GALNT18: variants seen among roughly 807,000 people sequenced by gnomAD.
The protein encoded by GALNT18 is polypeptide N-acetylgalactosaminyltransferase 18, also known as GalNAc-transferase 18.
GALNT18 carries 44 observed loss-of-function variants against 69.5 expected under a neutral mutation model. That is an observed-to-expected ratio of 0.63 (90% confidence interval 0.50 to 0.81). The LOEUF is 0.81. Ranked by LOEUF, GALNT18 falls within the 40% of genes least tolerant of loss-of-function variation. The pLI is 0.00. For missense variants in GALNT18, 715 were observed against 810.0 expected (o/e 0.88, Z 1.42); for synonymous variants, 364 against 318.2 (o/e 1.14, Z -1.53).
chr11:11,349,836 C>G (rs1313015606), intron 6 of GALNT18, among the ~76,000 whole-genome samples: 5 of 152,206 alleles, frequency 3.3e-5, no homozygotes, highest in African/African-American at 1.2e-4. Context: ...TTCCTTTCAT[C>G]AGAGCCTGCA....
intron 3 of GALNT18, among the ~76,000 whole-genome samples, chr11:11,393,189 C>G (rs909749644): frequency 6.6e-6 from 1 of 152,142 alleles, no homozygotes; most frequent in Non-Finnish European, 1.5e-5. Flanking sequence ...CCAGCACTGC[C>G]CCCCAGGACA....
At chr11:11,547,120 T>G (rs1858072144) in intron 1 of GALNT18, among the ~76,000 whole-genome samples, 1 of 152,126 alleles carries the variant, frequency 6.6e-6, no homozygotes, top group Admixed American at 6.5e-5. Flanking sequence ...ACAGAAAGTA[T>G]TTAGCCTTGT....
intron 1 of GALNT18, among the ~76,000 whole-genome samples, chr11:11,517,871 C>T (rs900647302): frequency 6.6e-6 from 1 of 152,194 alleles, no homozygotes; most frequent in African/African-American, 2.4e-5. Flanking sequence ...CCTCCAAAAT[C>T]ATGTCCCTGA....
At chr11:11,426,789 G>A (rs1855143480) in intron 3 of GALNT18, among the ~76,000 whole-genome samples, 1 of 152,128 alleles carries the variant, frequency 6.6e-6, no homozygotes, top group Admixed American at 6.5e-5. Flanking sequence ...GGAGGCATTT[G>A]AGTAAAGGCC....
Position 11,523,668 on chromosome 11 carries a change from G to A in GALNT18, c.236-74732C>T, listed in dbSNP as rs565696134. On this transcript the variant is annotated intron_variant, in intron 1 of 10. Transcript: ENST00000227756. This position sits in a 1 kb window ranked among gnomAD's most constrained non-coding sequence, Gnocchi z 4.3. ...CGGGAGGAAGAGGTTGCAGTGAGCCGAGATCGCACCACTGCACTCCAGCCT... is the reference window on the plus strand; with the variant it reads ...CGGGAGGAAGAGGTTGCAGTGAGCCAAGATCGCACCACTGCACTCCAGCCT... Among the ~76,000 whole-genome samples, 18 of 150,978 alleles carry A rather than the reference G, an allele frequency of 1.2e-4. No homozygotes were observed. The East Asian group carries it at 3.1e-3, about 26-fold the overall frequency.
intron 3 of GALNT18, among the ~76,000 whole-genome samples, chr11:11,410,737 T>A (rs1483800156): frequency 6.6e-6 from 1 of 152,162 alleles, no homozygotes; most frequent in Non-Finnish European, 1.5e-5. Context: ...GCTGTCTAAT[T>A]TTATGGCTCA....
intron 1 of GALNT18, among the ~76,000 whole-genome samples, chr11:11,462,685 G>A (rs1373813695): frequency 6.6e-6 from 1 of 152,112 alleles, no homozygotes; most frequent in African/African-American, 2.4e-5. Context: ...ATTCTAAGGT[G>A]CTCAGATCAC....
intron 1 of GALNT18, among the ~76,000 whole-genome samples, chr11:11,519,977 A>T (rs1449781860): frequency 1.3e-5 from 2 of 152,218 alleles, no homozygotes; most frequent in East Asian, 3.9e-4. Context: ...TGCCAGCCAA[A>T]GACCCGGAAG....
chr11:11,282,522 C>T (rs962016668), intron 10 of GALNT18, among the ~76,000 whole-genome samples: 24 of 152,144 alleles, frequency 1.6e-4, no homozygotes, highest in African/African-American at 5.3e-4. Context: ...AGTAAATGAG[C>T]AGTAAGTAGT....
rs1455109431 is a variant in GALNT18 at position 11,318,293 on chromosome 11, TAG to T, written c.1512+8791_1512+8792del. Among the ~76,000 whole-genome samples, 3 of 152,180 alleles carry T rather than the reference TAG, an allele frequency of 2.0e-5. No individual in the cohort carries two copies. Among genetic ancestry groups the T allele is most frequent in the Admixed American group, 6.5e-5 (1 of 15,276 alleles). ...CTCATAATGTAATCTTATTTGGAAA[TAG>T]AGTCATTGCAGATATAATTAAATTT... On this transcript the variant is annotated intron_variant, in intron 9 of 10. Transcript: ENST00000227756. The surrounding 1 kb of genome is among the most constrained non-coding windows in gnomAD (Gnocchi z 5.1).
rs1030806805 is a variant in GALNT18, at chr11:11,482,323, G to A, written c.236-33387C>T. Among the ~76,000 whole-genome samples the A allele has an allele frequency of 3.9e-5, 6 of 152,380 alleles. No individual in the cohort carries two copies. In the East Asian group the frequency reaches 1.2e-3, roughly 29 times the overall value. On this transcript the variant is annotated intron_variant, in intron 1 of 10. Coordinates refer to ENST00000227756, the MANE Select transcript of GALNT18 (RefSeq NM_198516.3). Reference sequence around the variant, plus strand: ...GTGCATTTGGCTCTGCCCTAGAGCTGTGCTCTTCACACTGATCCCAAGGCC... The same window carrying A: ...GTGCATTTGGCTCTGCCCTAGAGCTATGCTCTTCACACTGATCCCAAGGCC...
At position 11,543,836 on chromosome 11, in the gene GALNT18, C is replaced by A. The variant is rs920364054; in HGVS notation, c.235+77523G>T. ...TTATTGCTCCCATTTCTTCTTCTGG[C>A]GCTCTGGGCTCCAATGGCTTCTGGT... On this transcript the variant is annotated intron_variant, in intron 1 of 10. Transcript: ENST00000227756. The surrounding 1 kb of genome is among the most constrained non-coding windows in gnomAD (Gnocchi z 5.1). Among the ~76,000 whole-genome samples the A allele has an allele frequency of 6.6e-6, 1 of 152,190 alleles. No homozygotes were observed. Among genetic ancestry groups the A allele is most frequent in the Non-Finnish European group, 1.5e-5 (1 of 68,040 alleles).
At chr11:11,418,827 T>C (rs1479018148) in intron 3 of GALNT18, among the ~76,000 whole-genome samples, 1 of 152,212 alleles carries the variant, frequency 6.6e-6, no homozygotes, top group African/African-American at 2.4e-5. Flanking sequence ...GAATTAGGTG[T>C]GTGATGTTGG....
chr11:11,537,760 G>C (rs1310477575), intron 1 of GALNT18, among the ~76,000 whole-genome samples: 1 of 152,146 alleles, frequency 6.6e-6, no homozygotes, highest in African/African-American at 2.4e-5. Context: ...TCTCAGGAAG[G>C]AATAAAAGGG....
At chr11:11,297,544 G>A (rs1289293251) in intron 9 of GALNT18, among the ~76,000 whole-genome samples, 1 of 152,168 alleles carries the variant, frequency 6.6e-6, no homozygotes, top group Non-Finnish European at 1.5e-5. Context: ...TCCAGGCTGG[G>A]AGGGGCAGGG....
At chr11:11,426,395 G>T (rs887243927) in intron 3 of GALNT18, among the ~76,000 whole-genome samples, 3 of 152,232 alleles carry the variant, frequency 2.0e-5, no homozygotes, top group Admixed American at 2.0e-4. Flanking sequence ...CAGCACAGAT[G>T]GAGGACAACA....
At chr11:11,437,175 C>T (rs1380900259) in intron 2 of GALNT18, among the ~76,000 whole-genome samples, 1 of 152,168 alleles carries the variant, frequency 6.6e-6, no homozygotes, top group African/African-American at 2.4e-5. Flanking sequence ...TGGGACCAGC[C>T]CTTCCGTGTT....
intron 1 of GALNT18, among the ~76,000 whole-genome samples, chr11:11,478,598 T>C (rs1374328624): frequency 2.0e-5 from 3 of 152,216 alleles, no homozygotes; most frequent in African/African-American, 7.2e-5. Flanking sequence ...ATCACATTCA[T>C]AAAACAGATT....
intron 1 of GALNT18, among the ~76,000 whole-genome samples, chr11:11,509,882 C>A (rs1426891197): frequency 2.0e-5 from 3 of 152,246 alleles, no homozygotes; most frequent in Non-Finnish European, 4.4e-5. Context: ...AATCTCCCTT[C>A]TTTGGCTATA....
Sources: allele counts gnomAD v4.1 joint callset (sites outside exome capture counted in the v4.1 genomes callset), GRCh38; gene constraint gnomAD v4.1.1; non-coding constraint Gnocchi (gnomAD v3.1); transcripts MANE v1.5; gene names NCBI Gene and HGNC (gene_info 2026-07-23, HGNC 2026-07-21).